Variants in PPP2R3A observed in about 807,000 individuals in gnomAD.
PPP2R3A encodes the protein serine/threonine-protein phosphatase 2A regulatory subunit B'' subunit alpha.
A neutral mutation model predicts 106.9 loss-of-function variants in PPP2R3A; 80 were observed. The ratio of observed to expected loss-of-function variants is 0.75; its 90% confidence interval spans 0.62 to 0.90. The LOEUF is 0.90. Among genes scored for constraint, PPP2R3A ranks in the 40% least tolerant of loss-of-function variants. PPP2R3A has a pLI of 0.00. For synonymous variants in PPP2R3A, 483 were observed against 468.3 expected (o/e 1.03, Z -0.41); for missense variants, 1,386 against 1,350.4 (o/e 1.03, Z -0.41).
At chr3:136,023,324 A>T in intron 2 of PPP2R3A, 1 of 801,266 alleles carries the variant, frequency 1.2e-6, no homozygotes, top group Non-Finnish European at 1.9e-6. Flanking sequence ...GTATCTTGAT[A>T]TTAGATCAAG....
chr3:136,130,303 G>A (rs1457761059), intron 13 of PPP2R3A, among the ~76,000 whole-genome samples: 1 of 152,156 alleles, frequency 6.6e-6, no homozygotes, highest in East Asian at 1.9e-4. Flanking sequence ...AAGCTGATAA[G>A]CAACTTCAGC....
rs1226575191 is a variant in PPP2R3A, at chr3:136,087,276, T to TCTC, written c.2789-606_2789-604dup. ...CTCTCTCTCTCTCTCTCTCTCTCTC[T>TCTC]CTCTCTCTCTCTCTCTCTCTCTCAC... On this transcript the variant is annotated intron_variant, in intron 8 of 13. Coordinates refer to ENST00000264977, the MANE Select transcript of PPP2R3A (RefSeq NM_002718.5). Among the ~76,000 whole-genome samples the TCTC allele has an allele frequency of 4.7e-5, 7 of 149,418 alleles. No homozygotes were observed. In the South Asian group the frequency reaches 1.3e-3, roughly 28 times the overall value.
intron 1 of PPP2R3A, among the ~76,000 whole-genome samples, chr3:135,995,447 A>ATTTTTTTTTT (rs60359404): frequency 1.1e-5 from 1 of 87,304 alleles, no homozygotes; most frequent in African/African-American, 4.6e-5. Flanking sequence ...ACGTTGACAG[A>ATTTTTTTTTT]TTTTTTTTTT....
rs1939090982 is a variant in PPP2R3A, at chr3:136,145,670, T to C, written c.*504T>C. ...TGCCAAAACATCTCAGAGACTTCTTTTATGTATACTGGAGTTCAAAGATCT... is the reference window on the plus strand; with the variant it reads ...TGCCAAAACATCTCAGAGACTTCTTCTATGTATACTGGAGTTCAAAGATCT... On this transcript the variant is annotated 3_prime_UTR_variant, in exon 14 of 14. Transcript: ENST00000264977. The C allele has an allele frequency of 6.5e-6, 1 of 152,792 alleles. No individual in the cohort carries two copies. The highest frequency in any genetic ancestry group is 1.5e-5 in the Non-Finnish European group (1 of 68,166). 9.5% of individuals were successfully genotyped at this position (152,792 alleles called of 1,614,324 possible). A position where few individuals can be genotyped will look rare whatever the true frequency, so the allele number is the denominator to read the frequency against.
intron 3 of PPP2R3A, among the ~76,000 whole-genome samples, chr3:136,034,628 G>T (rs868416263): frequency 1.3e-5 from 2 of 152,164 alleles, no homozygotes; most frequent in Admixed American, 1.3e-4. Flanking sequence ...ATTGAGGCTC[G>T]TTTTGTGGCC....
rs1936477134 is a variant in PPP2R3A, at chr3:136,072,788, G to T, written c.2544+2236G>T. ...TCCAAACTGTTGGCATGTATTCTTAGATATTAAAGAACAAAAGAGTAAAAT... is the reference window on the plus strand; with the variant it reads ...TCCAAACTGTTGGCATGTATTCTTATATATTAAAGAACAAAAGAGTAAAAT... On this transcript the variant is annotated intron_variant, in intron 6 of 13. Transcript: ENST00000264977. 3.3e-5 allele frequency among the ~76,000 whole-genome samples: 5 copies of T among 152,156 alleles called. No individual in the cohort carries two copies. The South Asian group carries it at 1.0e-3, about 31-fold the overall frequency.
chr3:136,070,572 T>C lies in PPP2R3A; in HGVS notation c.2544+20T>C, dbSNP rs776851691. ...ACCACGGTAGGCTGAGTCATCTTTT[T>C]TCTTAATATAACTCCATAAGTCACC... On this transcript the variant is annotated intron_variant, in intron 6 of 13. Coordinates refer to ENST00000264977, the MANE Select transcript of PPP2R3A (RefSeq NM_002718.5). 1 of 1,585,968 alleles carries C rather than the reference T, an allele frequency of 6.3e-7. No homozygotes were observed.
At chr3:135,988,510 TGAA>T (rs892554850) in intron 1 of PPP2R3A, among the ~76,000 whole-genome samples, 108 of 152,278 alleles carry the variant, frequency 7.1e-4, no homozygotes, top group African/African-American at 2.5e-3. Context: ...AATGATTTTG[TGAA>T]GAAGAACATC....
At chr3:136,040,827 T>TG (rs3832193) in intron 3 of PPP2R3A, 32 bp from the exon 4 acceptor site, 448,126 of 1,557,362 alleles carry the variant, frequency 0.29, 69,336 homozygotes, top group African/African-American at 0.6. Flanking sequence ...CATTCCCTGT[T>TG]GGCTTACCCT....
chr3:136,060,748 A>T (rs1323205544), intron 5 of PPP2R3A, among the ~76,000 whole-genome samples: 1 of 152,196 alleles, frequency 6.6e-6, no homozygotes, highest in Non-Finnish European at 1.5e-5. Flanking sequence ...TGGACTAATA[A>T]CCAAAGCTGG....
intron 13 of PPP2R3A, among the ~76,000 whole-genome samples, chr3:136,117,484 A>C (rs1211695356): frequency 6.6e-6 from 1 of 152,242 alleles, no homozygotes; most frequent in East Asian, 1.9e-4. Flanking sequence ...ACCTCTAGCC[A>C]GACTAATAAA....
chr3:135,987,593 CA>C (rs1252741343), intron 1 of PPP2R3A, among the ~76,000 whole-genome samples: 2 of 152,166 alleles, frequency 1.3e-5, no homozygotes, highest in African/African-American at 4.8e-5. Flanking sequence ...TCATGTGTCA[CA>C]TCACCGACTA....
chr3:136,083,596 C>T (rs774550205), intron 8 of PPP2R3A, among the ~76,000 whole-genome samples: 9 of 152,086 alleles, frequency 5.9e-5, no homozygotes, highest in East Asian at 1.9e-4. Flanking sequence ...TAGCATGGGG[C>T]GCTGCTGTAA....
intron 12 of PPP2R3A, 76 bp downstream of exon 12, chr3:136,103,452 C>T (rs1486511391): frequency 3.0e-6 from 3 of 1,005,282 alleles, no homozygotes; most frequent in Non-Finnish European, 4.4e-6. Context: ...AACATGGTCT[C>T]TGCATGCTGG....
At chr3:136,010,417 ATTTTTTTTTTTTT>A (rs56962010) in intron 2 of PPP2R3A, among the ~76,000 whole-genome samples, 1 of 51,004 alleles carries the variant, frequency 2.0e-5, no homozygotes, top group Non-Finnish European at 3.5e-5. Context: ...CGCTCGGCTA[ATTTTTTTTTTTTT>A]TTTTTTTTTT....
intron 6 of PPP2R3A, among the ~76,000 whole-genome samples, chr3:136,077,091 G>T (rs1936622508): frequency 1.3e-5 from 2 of 152,196 alleles, no homozygotes; most frequent in South Asian, 4.1e-4. Flanking sequence ...GGAGGCTCAG[G>T]TGGCAGTGGG....
At chr3:136,028,256 A>G (rs1486776000) in intron 3 of PPP2R3A, among the ~76,000 whole-genome samples, 1 of 152,106 alleles carries the variant, frequency 6.6e-6, no homozygotes, top group African/African-American at 2.4e-5. Context: ...GCCCTGCCCT[A>G]CCTCTGACCT....
chr3:136,113,343 C>T (rs1446289782), intron 13 of PPP2R3A, among the ~76,000 whole-genome samples: 1 of 152,146 alleles, frequency 6.6e-6, no homozygotes, highest in Non-Finnish European at 1.5e-5. Flanking sequence ...TGAAGCACAC[C>T]TACAACCACC....
At chr3:136,125,729 A>C (rs1482100329) in intron 13 of PPP2R3A, among the ~76,000 whole-genome samples, 1 of 152,148 alleles carries the variant, frequency 6.6e-6, no homozygotes, top group South Asian at 2.1e-4. Flanking sequence ...GAACATCAAT[A>C]TAAAACTTCT....
Sources: gnomAD v4.1 joint callset for allele counts (sites outside exome capture counted in the v4.1 genomes callset) on GRCh38, gnomAD v4.1.1 for gene constraint, MANE v1.5 for transcripts, NCBI Gene and HGNC (gene_info 2026-07-23, HGNC 2026-07-21) for gene names.